The following GALNT11 variants were observed in gnomAD, a reference collection of about 807,000 sequenced individuals.
GALNT11 encodes the protein polypeptide N-acetylgalactosaminyltransferase 11.
In GALNT11, 47 loss-of-function variants were observed where a neutral mutation model predicts 72.7. The observed-to-expected ratio is 0.65, with a 90% CI of 0.51 to 0.82. The LOEUF is 0.82. Ranked by LOEUF, GALNT11 falls within the 40% of genes least tolerant of loss-of-function variation. GALNT11 has a pLI of 0.00. For missense variants in GALNT11, 677 were observed against 778.4 expected (o/e 0.87, Z 1.55); for synonymous variants, 270 against 286.6 (o/e 0.94, Z 0.58).
chr7:152,109,025 T>C (rs941787223), intron 6 of GALNT11, among the ~76,000 whole-genome samples: 3 of 152,240 alleles, frequency 2.0e-5, no homozygotes, highest in Non-Finnish European at 2.9e-5. Flanking sequence ...TTTGTTGTTA[T>C]ATACAACAAT....
At chr7:152,057,642 T>C (rs1249479523) in intron 1 of GALNT11, among the ~76,000 whole-genome samples, 2 of 152,172 alleles carry the variant, frequency 1.3e-5, no homozygotes, top group African/African-American at 4.8e-5. Context: ...AAATAATCTA[T>C]GTCCTGACCC....
chr7:152,101,001 G>C, intron 3 of GALNT11, 80 bp downstream of exon 3: 2 of 1,543,862 alleles, frequency 1.3e-6, no homozygotes, highest in Non-Finnish European at 1.8e-6. Context: ...ACGAGGACGG[G>C]GTTCATATTT....
intron 1 of GALNT11, among the ~76,000 whole-genome samples, chr7:152,076,120 T>A (rs1410483556): frequency 1.5e-4 from 23 of 150,502 alleles, no homozygotes; most frequent in Non-Finnish European, 2.8e-4. Context: ...ATCGCTTTTT[T>A]AATGTTCTGT....
At position 152,094,196 on chromosome 7, in the gene GALNT11, G is replaced by T; in HGVS notation, c.-32G>T. 2 of 1,538,520 alleles carry T rather than the reference G, an allele frequency of 1.3e-6. No individual in the cohort carries two copies. The highest frequency in any genetic ancestry group is 2.6e-5 in the South Asian group (2 of 78,340). On this transcript the variant is annotated 5_prime_UTR_variant, in exon 2 of 12. An upstream open reading frame in the 5' UTR loses its in-frame stop. Coordinates refer to ENST00000430044, the MANE Select transcript of GALNT11 (RefSeq NM_022087.4). This position sits in a 1 kb window ranked among gnomAD's most constrained non-coding sequence, Gnocchi z 4.3. ...ATTTATTCTTCTTTTTTAGGAAATTGACAATGGCCCTTCAGCTATGCTAGG... is the reference window on the plus strand; with the variant it reads ...ATTTATTCTTCTTTTTTAGGAAATTTACAATGGCCCTTCAGCTATGCTAGG...
At chr7:152,109,152 C>T (rs1035644056) in intron 6 of GALNT11, among the ~76,000 whole-genome samples, 1 of 152,266 alleles carries the variant, frequency 6.6e-6, no homozygotes, top group Non-Finnish European at 1.5e-5. Context: ...CAGCTGTAGG[C>T]TCTATCCGGG....
intron 5 of GALNT11, among the ~76,000 whole-genome samples, chr7:152,106,057 A>G (rs148776004): frequency 6.6e-6 from 1 of 152,158 alleles, no homozygotes; most frequent in Non-Finnish European, 1.5e-5. Context: ...TTTTATGGTT[A>G]CCTATGTGTA....
At position 152,094,461 on chromosome 7, in the gene GALNT11, T is replaced by C; in HGVS notation, c.234T>C (p.Asp78=). 1.2e-6 allele frequency: 2 copies of C among 1,614,140 alleles called. No homozygotes were observed. Among genetic ancestry groups the C allele is most frequent in the South Asian group, 1.1e-5 (1 of 91,068 alleles). ...EPQFKANKID[D]VIDSRVEDPE... is the part of the protein sequence containing the mutation. ...AGTTCAAAGCAAACAAAATTGACGA[T>C]GTGATAGACAGTCGTGTTGAAGATC... The change falls in exon 2 of 12, where the codon GAT becomes GAC. Residue 78 remains aspartate (D), a synonymous_variant. Coordinates refer to ENST00000430044, the MANE Select transcript of GALNT11 (RefSeq NM_022087.4). This position sits in a 1 kb window ranked among gnomAD's most constrained non-coding sequence, Gnocchi z 4.3.
chr7:152,121,896 G>A lies in GALNT11; in HGVS notation c.*219G>A, dbSNP rs2089459511. ...ACGGGTGAAGAAGTGAGTGTCCACG[G>A]GTGAAGAAGTGAGTATGTTTCACCT... On this transcript the variant is annotated 3_prime_UTR_variant, in exon 12 of 12. Coordinates refer to ENST00000430044, the MANE Select transcript of GALNT11 (RefSeq NM_022087.4). 4.1e-6 allele frequency: 2 copies of A among 486,638 alleles called. No homozygotes were observed. The highest frequency in any genetic ancestry group is 3.4e-5 in the South Asian group (1 of 29,050). 30.1% of individuals were successfully genotyped at this position (486,638 alleles called of 1,614,324 possible). A position where few individuals can be genotyped will look rare whatever the true frequency, so the allele number is the denominator to read the frequency against.
At chr7:152,065,071 C>T (rs527922159) in intron 1 of GALNT11, among the ~76,000 whole-genome samples, 2 of 152,336 alleles carry the variant, frequency 1.3e-5, no homozygotes, top group African/African-American at 4.8e-5. Context: ...TCCATTCTCC[C>T]CGTCACTTTC....
rs367681303 is a variant in GALNT11 at position 152,037,768 on chromosome 7, A to T, written c.-39+11884A>T. Reference sequence around the variant, plus strand: ...TTCTTTTTGTGCGTGCATGTCTTCAATTTTTTTTTTCCTTCCTTTTGAGAG... The same window carrying T: ...TTCTTTTTGTGCGTGCATGTCTTCATTTTTTTTTTTCCTTCCTTTTGAGAG... On this transcript the variant is annotated intron_variant, in intron 1 of 11. Transcript: ENST00000430044. Among the ~76,000 whole-genome samples the T allele has an allele frequency of 3.7e-3, 548 of 149,740 alleles. 4 individuals carry two copies. Among genetic ancestry groups the T allele is most frequent in the African/African-American group, 0.013 (526 of 40,844 alleles).
intron 8 of GALNT11, among the ~76,000 whole-genome samples, chr7:152,116,263 T>G (rs2083788953): frequency 6.6e-6 from 1 of 152,158 alleles, no homozygotes; most frequent in South Asian, 2.1e-4. Context: ...TTTATCTTTG[T>G]TTTTTGAATC....
chr7:152,062,956 G>A (rs1321874693), intron 1 of GALNT11, among the ~76,000 whole-genome samples: 1 of 152,130 alleles, frequency 6.6e-6, no homozygotes, highest in Admixed American at 6.5e-5. Context: ...CCAAGCTTTG[G>A]TATCAGGATG....
At chr7:152,038,453 C>A (rs187340911) in intron 1 of GALNT11, among the ~76,000 whole-genome samples, 3 of 152,332 alleles carry the variant, frequency 2.0e-5, no homozygotes, top group African/African-American at 7.2e-5. Context: ...AGTGGTTTTC[C>A]ACTCTGGGTG....
At chr7:152,091,101 G>A (rs939181826) in intron 1 of GALNT11, among the ~76,000 whole-genome samples, 2 of 144,854 alleles carry the variant, frequency 1.4e-5, no homozygotes, top group African/African-American at 5.2e-5. Context: ...AAGCTGGAAT[G>A]CAGTGGTGCG....
At chr7:152,076,494 G>A (rs935592157) in intron 1 of GALNT11, among the ~76,000 whole-genome samples, 1 of 152,216 alleles carries the variant, frequency 6.6e-6, no homozygotes, top group African/African-American at 2.4e-5. Context: ...AAGCTTGATT[G>A]TGCTGAGGAA....
In GALNT11 at chr7:152,103,204, T is replaced by G. The variant is rs1004590184; in HGVS notation, c.512T>G (p.Val171Gly). Reference protein sequence around the residue: ...NEAFSALLRTVHSVIDRTPAH... With the variant: ...NEAFSALLRTGHSVIDRTPAH... The stretch of plus-strand genomic sequence containing the variant: ...GCGTTTTCTGCCTTGCTTCGGACAG[T>G]GCACAGTGTCATAGACCGCACGCCA... Residue 171 changes from valine (V) to glycine (G), a missense_variant, in exon 4 of 12, where the codon GTG becomes GGG. Val to Gly is a moderately radical substitution (Grantham distance 109, BLOSUM62 -3). Transcript: ENST00000430044. 2 of 1,613,758 alleles carry G rather than the reference T, an allele frequency of 1.2e-6. No individual in the cohort carries two copies. Among genetic ancestry groups the G allele is most frequent in the Non-Finnish European group, 1.7e-6 (2 of 1,179,870 alleles).
chr7:152,070,765 G>A (rs1175640490), intron 1 of GALNT11, among the ~76,000 whole-genome samples: 1 of 152,128 alleles, frequency 6.6e-6, no homozygotes, highest in Admixed American at 6.6e-5. Flanking sequence ...TTTCTGAGGG[G>A]ACCATTATCG....
intron 1 of GALNT11, among the ~76,000 whole-genome samples, chr7:152,030,417 G>A (rs1415706204): frequency 6.6e-6 from 1 of 152,088 alleles, no homozygotes; most frequent in Non-Finnish European, 1.5e-5. Flanking sequence ...ATTGTAGAGT[G>A]AAGATTATTA....
intron 1 of GALNT11, among the ~76,000 whole-genome samples, chr7:152,064,656 C>CA (rs2084206049): frequency 6.6e-6 from 1 of 152,138 alleles, no homozygotes; most frequent in Non-Finnish European, 1.5e-5. Flanking sequence ...CTGATGGTGA[C>CA]AAAATCTCTC....
Sources: allele counts gnomAD v4.1 joint callset (sites outside exome capture counted in the v4.1 genomes callset), GRCh38; gene constraint gnomAD v4.1.1; non-coding constraint Gnocchi (gnomAD v3.1); transcripts MANE v1.5; gene names NCBI Gene and HGNC (gene_info 2026-07-23, HGNC 2026-07-21).